Variants in ABR observed in about 807,000 individuals in gnomAD.
The protein encoded by ABR is ABR activator of RhoGEF and GTPase, also known as active breakpoint cluster region-related protein.
ABR carries 35 observed loss-of-function variants against 107.2 expected under a neutral mutation model. That is an observed-to-expected ratio of 0.33 (90% confidence interval 0.25 to 0.43). The LOEUF is 0.43. ABR is among the 20% of genes least tolerant of loss of function. The probability of loss-of-function intolerance (pLI) is 1.00; values close to 1 mark genes in which losing one functional copy is unlikely to be tolerated. For missense variants in ABR, 815 were observed against 1,115.2 expected, an observed-to-expected ratio of 0.73 and a Z score of 3.83; for synonymous variants, 498 against 462.0, an observed-to-expected ratio of 1.08 and a Z score of -1.00.
Position 1,071,726 on chromosome 17 carries a change from C to T in ABR, c.894+888G>A, listed in dbSNP as rs1432194365. ...TTCGCTTCCTAGGAGACCCTGACGGCATCACACTGGCCAGAGGCAGGTGTC... is the reference window on the plus strand; with the variant it reads ...TTCGCTTCCTAGGAGACCCTGACGGTATCACACTGGCCAGAGGCAGGTGTC... On this transcript the variant is annotated intron_variant, in intron 8 of 22. Transcript: ENST00000302538. The surrounding 1 kb of genome is among the most constrained non-coding windows in gnomAD (Gnocchi z 5.1). 6.6e-6 allele frequency among the ~76,000 whole-genome samples: 1 copy of T among 152,270 alleles called. No individual in the cohort carries two copies. The highest frequency in any genetic ancestry group is 1.5e-5 in the Non-Finnish European group (1 of 68,040).
intron 3 of ABR, among the ~76,000 whole-genome samples, chr17:1,094,102 C>T (rs533964020): frequency 4.0e-4 from 55 of 136,914 alleles, no homozygotes; most frequent in African/African-American, 1.4e-3. Context: ...GGCCCCTCTG[C>T]GTCCGGTCAG....
chr17:1,143,055 G>T (rs1425103459), intron 1 of ABR, among the ~76,000 whole-genome samples: 7 of 87,306 alleles, frequency 8.0e-5, no homozygotes, highest in African/African-American at 3.4e-4. Flanking sequence ...GGGGCAGCTC[G>T]CTCCTGGGGG....
intron 16 of ABR, among the ~76,000 whole-genome samples, chr17:1,026,630 C>T (rs1240775456): frequency 6.6e-6 from 1 of 152,172 alleles, no homozygotes; most frequent in Non-Finnish European, 1.5e-5. Flanking sequence ...GTCTACGGCT[C>T]ACTGGACCCA....
chr17:1,019,107 A>G (rs989486039), intron 16 of ABR, among the ~76,000 whole-genome samples: 3 of 152,088 alleles, frequency 2.0e-5, no homozygotes, highest in African/African-American at 7.2e-5. Context: ...TGGTGCTGGG[A>G]GGCCACCCCC....
At chr17:1,139,301 G>T (rs558462621) in intron 1 of ABR, among the ~76,000 whole-genome samples, 199 of 152,232 alleles carry the variant, frequency 1.3e-3, no homozygotes, top group African/African-American at 4.4e-3. Flanking sequence ...GCCCAGGCTG[G>T]AGTGCAGTGG....
chr17:1,057,591 T>G (rs1274739811), intron 12 of ABR, among the ~76,000 whole-genome samples: 1 of 151,272 alleles, frequency 6.6e-6, no homozygotes, highest in African/African-American at 2.4e-5. Context: ...TTGCCCAGGC[T>G]GATCTCAAAC....
At chr17:1,202,405 T>C (rs751896151) in intron 1 of ABR, among the ~76,000 whole-genome samples, 1 of 152,206 alleles carries the variant, frequency 6.6e-6, no homozygotes, top group Non-Finnish European at 1.5e-5. Context: ...CAACCTCTTA[T>C]TACTCATCTT....
rs75377792 is a variant in ABR, at chr17:1,084,032, G to A, written c.532-405C>T. On this transcript the variant is annotated intron_variant, in intron 4 of 22. Coordinates refer to ENST00000302538, the MANE Select transcript of ABR (RefSeq NM_021962.5). The surrounding 1 kb of genome is among the most constrained non-coding windows in gnomAD (Gnocchi z 4.2). ...GGGAGAGAGGGGGGTGTGTGTGCTG[G>A]GGGGAGCTGGCACGTGTGGCCTGCT... Among the ~76,000 whole-genome samples, 2 of 152,050 alleles carry A rather than the reference G, an allele frequency of 1.3e-5. No individual in the cohort carries two copies. The highest frequency in any genetic ancestry group is 4.8e-5 in the African/African-American group (2 of 41,394).
intron 5 of ABR, among the ~76,000 whole-genome samples, chr17:1,079,849 G>A (rs2036086391): frequency 1.4e-5 from 2 of 143,346 alleles, no homozygotes; most frequent in Non-Finnish European, 3.0e-5. Context: ...GAGCCCCATG[G>A]CCATGGGCTG....
At chr17:1,132,460 C>T (rs1177605567) in intron 1 of ABR, among the ~76,000 whole-genome samples, 1 of 147,910 alleles carries the variant, frequency 6.8e-6, no homozygotes, top group African/African-American at 2.5e-5. Flanking sequence ...CTCACTGCAA[C>T]CTCCACCTGC....
At chr17:1,171,278 CT>C (rs1359905133) in intron 1 of ABR, among the ~76,000 whole-genome samples, 1 of 152,210 alleles carries the variant, frequency 6.6e-6, no homozygotes, top group East Asian at 1.9e-4. Context: ...CCAGGAGCCG[CT>C]GCCCAGGAGG....
intron 16 of ABR, among the ~76,000 whole-genome samples, chr17:1,046,366 G>A (rs971394337): frequency 4.2e-5 from 6 of 141,540 alleles, no homozygotes; most frequent in East Asian, 3.9e-4. Context: ...TTGAACTCCC[G>A]ACCTTGTAAT....
At chr17:1,013,357 G>T (rs1041726823) in intron 16 of ABR, among the ~76,000 whole-genome samples, 193 bp from the exon 17 acceptor site, 3 of 149,744 alleles carry the variant, frequency 2.0e-5, no homozygotes, top group East Asian at 4.0e-4. Flanking sequence ...TGGCCGCCGT[G>T]GGGGAGGCAG....
Position 1,005,735 on chromosome 17 carries a change from AAATG to A in ABR, c.*341_*344del. The A allele has an allele frequency of 5.9e-6, 2 of 336,166 alleles. No homozygotes were observed. The highest frequency in any genetic ancestry group is 7.0e-5 in the South Asian group (2 of 28,474). The allele number at this position is 336,166 out of a possible 1,614,324, so 20.8% of individuals were successfully genotyped here. A position where few individuals can be genotyped will look rare whatever the true frequency, so the allele number is the denominator to read the frequency against. ...TCAGGCGGAAAGAAAGTGCTGGAGGAAATGAAAGAACAAAGCGGGCTGTCTGTGT... is the reference window on the plus strand; with the variant it reads ...TCAGGCGGAAAGAAAGTGCTGGAGGAAAAGAACAAAGCGGGCTGTCTGTGT... On this transcript the variant is annotated 3_prime_UTR_variant, in exon 23 of 23. Coordinates refer to ENST00000302538, the MANE Select transcript of ABR (RefSeq NM_021962.5).
At chr17:1,208,238 C>A (rs1598128609) in intron 1 of ABR, among the ~76,000 whole-genome samples, 1 of 152,168 alleles carries the variant, frequency 6.6e-6, no homozygotes, top group African/African-American at 2.4e-5. Flanking sequence ...AGAACTTGTT[C>A]TTCCTGGCCT....
chr17:1,144,659 AGGTG>A (rs1190172297), intron 1 of ABR, among the ~76,000 whole-genome samples: 1 of 151,234 alleles, frequency 6.6e-6, no homozygotes, highest in East Asian at 1.9e-4. Flanking sequence ...TGGGAGGCTG[AGGTG>A]GGTGGATCAC....
intron 4 of ABR, among the ~76,000 whole-genome samples, chr17:1,087,014 A>T (rs149404298): frequency 9.5e-4 from 145 of 152,218 alleles, no homozygotes; most frequent in African/African-American, 2.5e-3. Flanking sequence ...CTGGAAGGCT[A>T]TCCACCAAAT....
Position 1,011,916 on chromosome 17 carries a change from C to T in ABR, c.2031G>A (p.Glu677=). ...CCGATATCCTGTAGATGCCAACCTC[C>T]TCGATACCCCTCTTCTCCACCTCCT... ...CVEEVEKRGI[E]EVGIYRISGV... Residue 677 remains glutamate, a synonymous_variant, in exon 19 of 23, where the codon GAG becomes GAA. Coordinates refer to ENST00000302538, the MANE Select transcript of ABR (RefSeq NM_021962.5). This position sits in a 1 kb window ranked among gnomAD's most constrained non-coding sequence, Gnocchi z 4.8. 2.5e-6 allele frequency: 4 copies of T among 1,612,406 alleles called. No homozygotes were observed. Among genetic ancestry groups the T allele is most frequent in the Non-Finnish European group, 3.4e-6 (4 of 1,178,760 alleles).
rs2151225815 is a variant in ABR at position 1,078,714 on chromosome 17, C to T, written c.700+616G>A. ...TCCAGCCGCTCGCCCACCCTCCTTC[C>T]CTGCGGCCCTCTAACCTCCCCGGCC... On this transcript the variant is annotated intron_variant, in intron 6 of 22. Transcript: ENST00000302538. This position sits in a 1 kb window ranked among gnomAD's most constrained non-coding sequence, Gnocchi z 7.5. The T allele has an allele frequency of 5.5e-6, 7 of 1,265,700 alleles. No homozygotes were observed. In the East Asian group the frequency reaches 1.8e-4, roughly 32 times the overall value. 78.4% of individuals were successfully genotyped at this position (1,265,700 alleles called of 1,614,324 possible).
Sources: allele counts gnomAD v4.1 joint callset (sites outside exome capture counted in the v4.1 genomes callset), GRCh38; gene constraint gnomAD v4.1.1; non-coding constraint Gnocchi (gnomAD v3.1); transcripts MANE v1.5; gene names NCBI Gene and HGNC (gene_info 2026-07-23, HGNC 2026-07-21).